BAZ2B: variants seen among roughly 807,000 people sequenced by gnomAD.
The protein encoded by BAZ2B is bromodomain adjacent to zinc finger domain 2B.
In BAZ2B, 91 loss-of-function variants were observed where a neutral mutation model predicts 246.0. The observed-to-expected ratio is 0.37, with a 90% CI of 0.31 to 0.44. The LOEUF (loss-of-function observed/expected upper bound fraction) is 0.44, where lower values mean the gene tolerates loss of function less well. Ranked by LOEUF, BAZ2B falls within the 20% of genes least tolerant of loss-of-function variation. The probability of loss-of-function intolerance (pLI) is 1.00; values close to 1 mark genes in which losing one functional copy is unlikely to be tolerated. For synonymous variants in BAZ2B, 855 were observed against 860.0 expected (o/e 0.99, Z 0.10); for missense variants, 2,332 against 2,533.7 (o/e 0.92, Z 1.71).
chr2:159,660,905 T>C, the BAZ2B span, among the ~76,000 whole-genome samples: 1 of 152,216 alleles, frequency 6.6e-6, no homozygotes, highest in Non-Finnish European at 1.5e-5. Context: ...GGGCCACTAA[T>C]ATTTTTATTT....
chr2:159,532,861 G>A (rs1670006198), intron 2 of BAZ2B, among the ~76,000 whole-genome samples: 1 of 152,172 alleles, frequency 6.6e-6, no homozygotes, highest in Non-Finnish European at 1.5e-5. Flanking sequence ...TGAGATTTTA[G>A]TTGAGTCTCC....
Position 159,412,449 on chromosome 2 carries a change from G to C in BAZ2B, c.2563C>G (p.Arg855Gly). ...RGRPPNPDRQ[R>G]AREESRMRRR... ...CTCATCCTGGATTCCTCTCTTGCTC[G>C]TTGTCTATCTGGATTTGGTGGTCTT... is the stretch of plus-strand genomic sequence containing the variant. The change falls in exon 14 of 37, where the codon CGA becomes GGA. Residue 855 changes from arginine (R) to glycine (G), a missense_variant. Physicochemically the swap from Arg to Gly is moderately radical, Grantham distance 125. Around this residue, in one of 9 missense-constraint regions of BAZ2B, gnomAD observed 651 missense variants for 650.9 expected, o/e 1.00. Transcript: ENST00000392783. 1 of 1,614,002 alleles carries C rather than the reference G, an allele frequency of 6.2e-7. No homozygotes were observed. The highest frequency in any genetic ancestry group is 8.5e-7 in the Non-Finnish European group (1 of 1,179,986).
At chr2:159,372,676 G>A (rs2060979156) in intron 27 of BAZ2B, among the ~76,000 whole-genome samples, 1 of 152,176 alleles carries the variant, frequency 6.6e-6, no homozygotes, top group Admixed American at 6.5e-5. Flanking sequence ...ACCTGCAGGG[G>A]GTTACTGTCA....
chr2:159,417,029 G>T (rs73008605), intron 13 of BAZ2B, among the ~76,000 whole-genome samples: 5,585 of 152,134 alleles, frequency 0.037, 133 homozygotes, highest in South Asian at 0.06. Flanking sequence ...TATATCAAAA[G>T]AATTTAATTC....
At chr2:159,318,722 G>A (rs1209704507), downstream of BAZ2B, among the ~76,000 whole-genome samples, 4 of 152,176 alleles carry the variant, frequency 2.6e-5, no homozygotes, top group African/African-American at 9.7e-5. Context: ...AAGATCTAAT[G>A]TATTCTAATA....
intron 3 of BAZ2B, chr2:159,462,442 C>A: frequency 8.2e-7 from 1 of 1,226,902 alleles, no homozygotes; most frequent in Admixed American, 1.7e-5. Context: ...TAATCTTGTT[C>A]CAGTCAATTT....
intron 2 of BAZ2B, among the ~76,000 whole-genome samples, chr2:159,500,489 G>C (rs1278968086): frequency 6.6e-6 from 1 of 152,056 alleles, no homozygotes; most frequent in Non-Finnish European, 1.5e-5. Context: ...CTCCAGCTTT[G>C]TTCTTTTTGC....
the BAZ2B span, among the ~76,000 whole-genome samples, chr2:159,634,370 G>A: frequency 1.2e-4 from 19 of 152,280 alleles, 1 homozygote; most frequent in African/African-American, 4.3e-4. Flanking sequence ...GGAACAAGCT[G>A]TCAAGCACTT....
At chr2:159,545,898 T>C (rs1194075182) in intron 2 of BAZ2B, among the ~76,000 whole-genome samples, 2 of 152,182 alleles carry the variant, frequency 1.3e-5, no homozygotes, top group East Asian at 3.8e-4. Context: ...TACTGAAATA[T>C]AGAAAAATAC....
chr2:159,518,501 C>G (rs547962038), intron 2 of BAZ2B, among the ~76,000 whole-genome samples: 12 of 152,240 alleles, frequency 7.9e-5, no homozygotes, highest in Admixed American at 2.6e-4. Flanking sequence ...GCTCAGTCGT[C>G]CATATTAAGA....
intron 4 of BAZ2B, 106 bp downstream of exon 4, chr2:159,453,507 A>C: frequency 1.7e-5 from 21 of 1,269,282 alleles, no homozygotes; most frequent in African/African-American, 3.0e-5. Flanking sequence ...AAAGTTTTAA[A>C]TATACCAGGC....
chr2:159,315,462 T>C (rs1387998591), downstream of BAZ2B, among the ~76,000 whole-genome samples: 1 of 152,222 alleles, frequency 6.6e-6, no homozygotes, highest in Non-Finnish European at 1.5e-5. Context: ...AATGTTTAAC[T>C]TGGGCTAAAG....
chr2:159,334,315 G>A (rs1046821781), intron 33 of BAZ2B, among the ~76,000 whole-genome samples: 3 of 152,102 alleles, frequency 2.0e-5, no homozygotes, highest in Non-Finnish European at 4.4e-5. Flanking sequence ...TTATTATTTG[G>A]TTTTAATTCC....
rs187350966 is a variant in BAZ2B at position 159,455,118 on chromosome 2, G to T, written c.146-1317C>A. ...GAATAAAGCTTCCTTATTATCTCTT[G>T]TTTATATTATATCAGTCCTGACTGT... On this transcript the variant is annotated intron_variant, in intron 3 of 36. Coordinates refer to ENST00000392783, the MANE Select transcript of BAZ2B (RefSeq NM_013450.4). 2.7e-4 allele frequency among the ~76,000 whole-genome samples: 41 copies of T among 152,128 alleles called. No homozygotes were observed. The East Asian group carries it at 6.4e-3, about 24-fold the overall frequency.
the BAZ2B span, among the ~76,000 whole-genome samples, chr2:159,710,254 G>T: frequency 6.6e-6 from 1 of 150,830 alleles, no homozygotes; most frequent in African/African-American, 2.4e-5. Flanking sequence ...TGTTGCCCAG[G>T]CTGGAGTGCA....
At chr2:159,506,330 G>C (rs902601684) in intron 2 of BAZ2B, among the ~76,000 whole-genome samples, 1 of 152,086 alleles carries the variant, frequency 6.6e-6, no homozygotes, top group Non-Finnish European at 1.5e-5. Flanking sequence ...CCTAGCAATG[G>C]AACCTACTGA....
intron 8 of BAZ2B, among the ~76,000 whole-genome samples, chr2:159,436,420 G>C (rs960192273): frequency 6.6e-6 from 1 of 152,130 alleles, no homozygotes; most frequent in African/African-American, 2.4e-5. Context: ...AGAAAATTGA[G>C]ACCTGTATAG....
At chr2:159,501,167 AT>A (rs1171699238) in intron 2 of BAZ2B, among the ~76,000 whole-genome samples, 52 of 101,370 alleles carry the variant, frequency 5.1e-4, no homozygotes, top group African/African-American at 1.6e-3. Flanking sequence ...TAAATATATA[AT>A]ATATATTATA....
the BAZ2B span, among the ~76,000 whole-genome samples, chr2:159,656,965 T>C: frequency 6.6e-6 from 1 of 152,152 alleles, no homozygotes; most frequent in Non-Finnish European, 1.5e-5. Context: ...ATGGTGTCTT[T>C]TGCAGAGAAG....
Sources: gnomAD v4.1 joint callset for allele counts (sites outside exome capture counted in the v4.1 genomes callset) on GRCh38, gnomAD v4.1.1 for gene constraint, gnomAD v4.1.1 regional missense constraint, MANE v1.5 for transcripts, NCBI Gene and HGNC (gene_info 2026-07-23, HGNC 2026-07-21) for gene names.